The following FAM234A variants were observed in gnomAD, a reference collection of about 807,000 sequenced individuals.
FAM234A encodes the protein protein FAM234A.
In FAM234A, 42 loss-of-function variants were observed where a neutral mutation model predicts 49.1. The observed-to-expected ratio is 0.86, with a 90% CI of 0.67 to 1.11. The LOEUF is 1.11. FAM234A is among the 50% of genes least tolerant of loss of function. FAM234A has a pLI of 0.00. For synonymous variants in FAM234A, 369 were observed against 316.2 expected (o/e 1.17, Z -1.77); for missense variants, 815 against 745.2 (o/e 1.09, Z -1.09).
chr16:239,639 C>G lies in FAM234A; in HGVS notation c.-140+4782C>G, dbSNP rs1051082411. ...CAAAAAAAAAAAAAAAAAATTAACA[C>G]TAATTTGTGGGGGAGTTGCAGGAAA... is the stretch of plus-strand genomic sequence containing the variant. On this transcript the variant is annotated intron_variant, in intron 1 of 12. Transcript: ENST00000399932. Among the ~76,000 whole-genome samples, 7 of 150,608 alleles carry G rather than the reference C, an allele frequency of 4.6e-5. No individual in the cohort carries two copies. The East Asian group carries it at 7.8e-4, about 17-fold the overall frequency.
chr16:261,127 G>T, intron 5 of FAM234A: 1 of 403,096 alleles, frequency 2.5e-6, no homozygotes, highest in Non-Finnish European at 4.6e-6. Context: ...GAATGAGGCT[G>T]TCAGCGTTTG....
intron 2 of FAM234A, among the ~76,000 whole-genome samples, chr16:251,217 A>G (rs2050991846): frequency 1.3e-5 from 2 of 152,174 alleles, no homozygotes; most frequent in African/African-American, 2.4e-5. Context: ...TGGCCTCTCA[A>G]AGTGTTGGGA....
At chr16:262,263 C>G in intron 7 of FAM234A, 38 bp downstream of exon 7, 1 of 1,609,938 alleles carries the variant, frequency 6.2e-7, no homozygotes. Context: ...CAGCCTCACT[C>G]GTGGAGCATG....
In FAM234A at chr16:265,733, T is replaced by A. The variant is rs949590034; in HGVS notation, c.*711T>A. 5 of 985,524 alleles carry A rather than the reference T, an allele frequency of 5.1e-6. No homozygotes were observed. In the African/African-American group the frequency reaches 8.7e-5, roughly 17 times the overall value. The allele number at this position is 985,524 out of a possible 1,614,324, so 61.0% of individuals were successfully genotyped here. On this transcript the variant is annotated 3_prime_UTR_variant, in exon 13 of 13. Transcript: ENST00000399932. ...CCGCTCACAGGTGTCCTTAGTGGTG[T>A]TGCAGCTGTCTACTGGCTGCATGTG...
At chr16:263,825 A>G in intron 10 of FAM234A, 50 bp downstream of exon 10, 2 of 1,514,832 alleles carry the variant, frequency 1.3e-6, no homozygotes, top group Non-Finnish European at 1.8e-6. Flanking sequence ...AGCTGAGGAT[A>G]GACTGGTCTG....
At chr16:240,502 ATT>A (rs11341453) in intron 1 of FAM234A, among the ~76,000 whole-genome samples, 154 of 131,860 alleles carry the variant, frequency 1.2e-3, no homozygotes, top group Middle Eastern at 3.8e-3. Context: ...ATCTGGGTGT[ATT>A]TTTTTTTTTT....
intron 1 of FAM234A, among the ~76,000 whole-genome samples, chr16:245,447 G>A (rs1004215182): frequency 3.3e-5 from 5 of 152,190 alleles, no homozygotes; most frequent in Admixed American, 1.3e-4. Context: ...GGCCACTGGC[G>A]TGTGCTCTTC....
downstream of FAM234A, among the ~76,000 whole-genome samples, chr16:266,702 G>A (rs1284088810): frequency 2.0e-5 from 3 of 152,222 alleles, no homozygotes; most frequent in Admixed American, 6.5e-5. Flanking sequence ...ACAGGTGGGT[G>A]CCCTCGTGCC....
intron 1 of FAM234A, among the ~76,000 whole-genome samples, chr16:249,257 A>T (rs1167295752): frequency 1.3e-5 from 2 of 151,782 alleles, no homozygotes; most frequent in African/African-American, 2.4e-5. Context: ...ATCATCTGGT[A>T]GTTAGAGTGG....
intron 2 of FAM234A, among the ~76,000 whole-genome samples, chr16:253,503 G>C (rs1284973345): frequency 6.6e-6 from 1 of 151,244 alleles, no homozygotes; most frequent in African/African-American, 2.4e-5. Context: ...GAGACGGAGT[G>C]TCACTCTGTC....
In FAM234A at chr16:261,368, G is replaced by T. The variant is rs74003712; in HGVS notation, c.578-16G>T. On this transcript the variant is annotated splice_polypyrimidine_tract_variant and intron_variant, in intron 5 of 12. Transcript: ENST00000399932. ...GGACTCAGGGCCACGTTCCGTGACC[G>T]TGTGCTTGATTCTAGGGGAAACCCT... The T allele has an allele frequency of 6.2e-7, 1 of 1,601,832 alleles. No homozygotes were observed. Among genetic ancestry groups the T allele is most frequent in the Non-Finnish European group, 8.5e-7 (1 of 1,170,262 alleles).
chr16:268,454 A>AC (rs1329300795), downstream of FAM234A: 10 of 436,102 alleles, frequency 2.3e-5, no homozygotes, highest in South Asian at 2.5e-4. Flanking sequence ...AGCCAGCTGT[A>AC]CCTTCACCCA....
At position 263,131 on chromosome 16, in the gene FAM234A, GCT is replaced by G. The variant is rs1402453479; in HGVS notation, c.972-130_972-129del. Reference sequence around the variant, plus strand: ...CCGCGCCCAGCTCTTCTCTTTTCAAGCTGTAGAACTGAGAAACGGGTTATGGG... The same window carrying G: ...CCGCGCCCAGCTCTTCTCTTTTCAAGGTAGAACTGAGAAACGGGTTATGGG... On this transcript the variant is annotated intron_variant, in intron 8 of 12. Transcript: ENST00000399932. 8 of 1,140,966 alleles carry G rather than the reference GCT, an allele frequency of 7.0e-6. No individual in the cohort carries two copies. In the African/African-American group the frequency reaches 7.7e-5, roughly 11 times the overall value. 70.7% of individuals were successfully genotyped at this position (1,140,966 alleles called of 1,614,324 possible).
chr16:263,641 C>G, intron 9 of FAM234A, 59 bp from the exon 10 acceptor site: 1 of 1,419,864 alleles, frequency 7.0e-7, no homozygotes, highest in Non-Finnish European at 1.0e-6. Context: ...CTGGGTGCTT[C>G]CTTCATCTCA....
In FAM234A at chr16:236,993, AC is replaced by A. The variant is rs1377978752; in HGVS notation, c.-140+2139del. Among the ~76,000 whole-genome samples the A allele has an allele frequency of 4.6e-5, 7 of 151,798 alleles. No individual in the cohort carries two copies. The East Asian group carries it at 1.4e-3, about 29-fold the overall frequency. On this transcript the variant is annotated intron_variant, in intron 1 of 12. Coordinates refer to ENST00000399932, the MANE Select transcript of FAM234A (RefSeq NM_032039.4). ...GGTCCTGAACTCCTGTGCCCAAGCAACCCTCCTTTGTTGGCCTCCTGAAGTG... is the reference window on the plus strand; with the variant it reads ...GGTCCTGAACTCCTGTGCCCAAGCAACCTCCTTTGTTGGCCTCCTGAAGTG...
In FAM234A at chr16:261,452, G is replaced by C; in HGVS notation, c.646G>C (p.Val216Leu). Residue 216 changes from valine (V) to leucine (L), a missense_variant, in exon 6 of 13, where the codon GTG (valine) becomes CTG (leucine). Transcript: ENST00000399932. ...GTCCATCCTGAGCCCTCTGCTGCAG[G>C]TGCCTGATGTGGACGGCGATGGGGC... ...NASILSPLLQVPDVDGDGAPD... is the reference protein window; with the variant it reads ...NASILSPLLQLPDVDGDGAPD... 6.2e-7 allele frequency: 1 copy of C among 1,613,538 alleles called. No homozygotes were observed. Among genetic ancestry groups the C allele is most frequent in the Non-Finnish European group, 8.5e-7 (1 of 1,179,912 alleles).
At chr16:256,821 T>C (rs1349016349) in intron 3 of FAM234A, among the ~76,000 whole-genome samples, 1 of 151,230 alleles carries the variant, frequency 6.6e-6, no homozygotes, top group Non-Finnish European at 1.5e-5. Context: ...CAGCTCACCG[T>C]AATCGCCACC....
At chr16:268,472 G>GA (rs371528613), downstream of FAM234A, 527 of 486,056 alleles carry the variant, frequency 1.1e-3, 3 homozygotes, top group African/African-American at 9.8e-3. Context: ...CCAGTCTGGG[G>GA]GACTGGTGAG....
At chr16:253,399 CATATT>C (rs2051097848) in intron 2 of FAM234A, among the ~76,000 whole-genome samples, 1 of 152,122 alleles carries the variant, frequency 6.6e-6, no homozygotes, top group Admixed American at 6.5e-5. Flanking sequence ...TATCCATGAA[CATATT>C]TTATTAATAA....
Sources: gnomAD v4.1 joint callset for allele counts (sites outside exome capture counted in the v4.1 genomes callset) on GRCh38, gnomAD v4.1.1 for gene constraint, MANE v1.5 for transcripts, NCBI Gene and HGNC (gene_info 2026-07-23, HGNC 2026-07-21) for gene names.